Variants in ANO3 observed in about 807,000 individuals in gnomAD.
ANO3 encodes the protein anoctamin 3, also known as anoctamin-3.
In ANO3, 99 loss-of-function variants were observed where a neutral mutation model predicts 144.8. That is an observed-to-expected ratio of 0.68 (90% confidence interval 0.58 to 0.81). The LOEUF (loss-of-function observed/expected upper bound fraction) is 0.81, where lower values mean the gene tolerates loss of function less well. ANO3 is among the 30% of genes least tolerant of loss of function. The pLI, the probability that ANO3 is intolerant of heterozygous loss-of-function variation, is 0.00. For synonymous variants in ANO3, 414 were observed against 392.6 expected, an observed-to-expected ratio of 1.05 and a Z score of -0.64; for missense variants, 905 against 1,202.2, an observed-to-expected ratio of 0.75 and a Z score of 3.66.
In ANO3 at chr11:26,367,970, C is replaced by G. The variant is rs148826129; in HGVS notation, c.46+35649C>G. On this transcript the variant is annotated intron_variant, in intron 1 of 26. Transcript: ENST00000256737. ...TAAACCATTCATGAGAAATCCACCC[C>G]CATGATTCAAATCTCCTCCCACTAG... 5.5e-3 allele frequency among the ~76,000 whole-genome samples: 844 copies of G among 152,262 alleles called. 6 individuals carry two copies. Among genetic ancestry groups the G allele is most frequent in the African/African-American group, 0.019 (792 of 41,544 alleles).
intron 12 of ANO3, among the ~76,000 whole-genome samples, chr11:26,552,081 T>G (rs987212922): frequency 6.6e-6 from 1 of 152,052 alleles, no homozygotes; most frequent in Non-Finnish European, 1.5e-5. Flanking sequence ...GCTAGCTCTA[T>G]AATGTTGAGC....
intron 1 of ANO3, among the ~76,000 whole-genome samples, chr11:26,269,271 C>T (rs994702646): frequency 6.6e-6 from 1 of 152,190 alleles, no homozygotes; most frequent in South Asian, 2.1e-4. Flanking sequence ...TTGGCACTCA[C>T]CTCTCAGGCA....
upstream of ANO3, among the ~76,000 whole-genome samples, chr11:26,308,489 A>G (rs1440572465): frequency 6.6e-6 from 1 of 152,212 alleles, no homozygotes; most frequent in Non-Finnish European, 1.5e-5. Context: ...ATACTCTTAT[A>G]AAAGTATTTA....
At chr11:26,574,130 A>T (rs1342600838) in intron 14 of ANO3, among the ~76,000 whole-genome samples, 4 of 152,114 alleles carry the variant, frequency 2.6e-5, no homozygotes, top group African/African-American at 9.7e-5. Flanking sequence ...TTTGGTACTT[A>T]CCCACTATGG....
intron 4 of ANO3, among the ~76,000 whole-genome samples, chr11:26,468,811 A>G (rs1406089593): frequency 6.6e-6 from 1 of 152,018 alleles, no homozygotes; most frequent in African/African-American, 2.4e-5. Flanking sequence ...ATTATACATG[A>G]AATACTAAGA....
At chr11:26,230,797 CAAAAAAAAAAA>C (rs1168180646) in intron 1 of ANO3, among the ~76,000 whole-genome samples, 5 of 11,340 alleles carry the variant, frequency 4.4e-4, no homozygotes, top group East Asian at 2.3e-3. Context: ...ACTCCATCTC[CAAAAAAAAAAA>C]AAAAAAAAAA....
chr11:26,457,238 T>TA (rs35818230), intron 3 of ANO3, among the ~76,000 whole-genome samples: 26 of 147,832 alleles, frequency 1.8e-4, no homozygotes, highest in African/African-American at 6.1e-4. Flanking sequence ...AAAAAAGAAA[T>TA]AAAAAAAAAA....
chr11:26,406,726 G>T lies in ANO3; in HGVS notation c.47-35192G>T, dbSNP rs187807380. On this transcript the variant is annotated intron_variant, in intron 1 of 26. Transcript: ENST00000256737. ...GTGTGTGTGTGTGTGTGTGTGTGTG[G>T]ATTGGTGGCATTACCAATGATTTCT... Among the ~76,000 whole-genome samples, 997 of 108,398 alleles carry T rather than the reference G, an allele frequency of 9.2e-3. 7 individuals carry two copies. The highest frequency in any genetic ancestry group is 0.012 in the Non-Finnish European group (608 of 51,228). The allele number at this position is 108,398 out of a possible 152,430, so 71.1% of individuals were successfully genotyped here.
At chr11:26,313,871 T>TTATAATATAA (rs59751659) in intron 1 of ANO3, among the ~76,000 whole-genome samples, 2,519 of 147,516 alleles carry the variant, frequency 0.017, 59 homozygotes, top group African/African-American at 0.053. Flanking sequence ...AAATTAAATA[T>TTATAATATAA]TATAATATAA....
At chr11:26,507,432 C>T (rs1012699932) in intron 4 of ANO3, among the ~76,000 whole-genome samples, 4 of 152,194 alleles carry the variant, frequency 2.6e-5, no homozygotes, top group Admixed American at 1.3e-4. Context: ...TCTTGCTGAG[C>T]AAGCAGTTTG....
intron 1 of ANO3, among the ~76,000 whole-genome samples, chr11:26,428,586 G>A (rs1312464749): frequency 1.3e-5 from 2 of 152,136 alleles, no homozygotes; most frequent in Admixed American, 6.5e-5. Flanking sequence ...TATGAAAATA[G>A]TTTTCATCAT....
chr11:26,302,767 C>T (rs1388316368), intron 1 of ANO3, among the ~76,000 whole-genome samples: 1 of 152,068 alleles, frequency 6.6e-6, no homozygotes, highest in Non-Finnish European at 1.5e-5. Context: ...TTTGTATGGA[C>T]ATATATATGT....
intron 5 of ANO3, chr11:26,508,500 AAACTGAATAAGGAATGATTATAGTT>A: frequency 2.5e-6 from 1 of 407,052 alleles, no homozygotes; most frequent in Non-Finnish European, 4.3e-6. Context: ...GCAATTTTAA[AAACTGAATAAGGAATGATTATAGTT>A]ATGTCAAGTA....
At chr11:26,524,479 G>T (rs1214789761) in intron 6 of ANO3, among the ~76,000 whole-genome samples, 1 of 152,088 alleles carries the variant, frequency 6.6e-6, no homozygotes, top group African/African-American at 2.4e-5. Flanking sequence ...CATACTTAGG[G>T]CTAAATATCA....
chr11:26,296,273 A>C (rs573472226), intron 1 of ANO3, among the ~76,000 whole-genome samples: 1 of 152,340 alleles, frequency 6.6e-6, no homozygotes, highest in African/African-American at 2.4e-5. Flanking sequence ...GCAAGTTGGC[A>C]GTTTTTTATC....
chr11:26,626,351 G>C (rs1183894944), intron 18 of ANO3, among the ~76,000 whole-genome samples: 1 of 152,214 alleles, frequency 6.6e-6, no homozygotes, highest in Admixed American at 6.5e-5. Flanking sequence ...TGGATAAGGA[G>C]AGCCTCAGAC....
chr11:26,230,242 G>C (rs560168285), intron 1 of ANO3, among the ~76,000 whole-genome samples: 39 of 152,144 alleles, frequency 2.6e-4, no homozygotes, highest in Non-Finnish European at 4.3e-4. Context: ...CATGAAATAG[G>C]AAAGTTTTAA....
At chr11:26,209,744 A>T (rs1486733505) in intron 1 of ANO3, among the ~76,000 whole-genome samples, 1 of 152,152 alleles carries the variant, frequency 6.6e-6, no homozygotes, top group Non-Finnish European at 1.5e-5. Context: ...ATGGCCAGAG[A>T]TGATGAGCTT....
At chr11:26,290,512 T>C (rs1197171039) in intron 1 of ANO3, among the ~76,000 whole-genome samples, 1 of 152,230 alleles carries the variant, frequency 6.6e-6, no homozygotes, top group Non-Finnish European at 1.5e-5. Context: ...AGGGTGTCAA[T>C]TTTGGATCTT....
Sources: allele counts gnomAD v4.1 joint callset (sites outside exome capture counted in the v4.1 genomes callset), GRCh38; gene constraint gnomAD v4.1.1; transcripts MANE v1.5; gene names NCBI Gene and HGNC (gene_info 2026-07-23, HGNC 2026-07-21).